CRYM: variants seen among roughly 807,000 people sequenced by gnomAD.
The protein encoded by CRYM is crystallin mu.
In CRYM, 18 loss-of-function variants were observed where a neutral mutation model predicts 32.9. The observed-to-expected ratio is 0.55, with a 90% CI of 0.38 to 0.81. The LOEUF (loss-of-function observed/expected upper bound fraction) is 0.81. CRYM is among the 30% of genes least tolerant of loss of function. The pLI is 0.00. For missense variants in CRYM, 337 were observed against 393.5 expected (o/e 0.86, Z 1.21); for synonymous variants, 153 against 152.4 (o/e 1.00, Z -0.03).
chr16:21,293,313 C>T (rs78097337), intron 1 of CRYM, among the ~76,000 whole-genome samples: 2,517 of 152,274 alleles, frequency 0.017, 85 homozygotes, highest in East Asian at 0.079. Context: ...GAAACACCCA[C>T]TTTGGATGCA....
chr16:21,285,212 T>A (rs775523479), intron 1 of CRYM, among the ~76,000 whole-genome samples: 1 of 152,232 alleles, frequency 6.6e-6, no homozygotes, highest in Non-Finnish European at 1.5e-5. Context: ...TTGGGGCTTA[T>A]GATACTTCGC....
Position 21,289,818 on chromosome 16 carries a change from T to C in CRYM, c.-192-10858A>G, listed in dbSNP as rs544305461. ...AGCGCTGATTGGCCCATTTACAGAG[T>C]GCCGATTGGTCCATTTTACAGAGTA... On this transcript the variant is annotated intron_variant, in intron 1 of 9. Coordinates refer to the CRYM transcript ENST00000219599. Among the ~76,000 whole-genome samples the C allele has an allele frequency of 2.0e-4, 30 of 151,326 alleles. 1 individual carries two copies. The highest frequency in any genetic ancestry group is 8.6e-4 in the Admixed American group (13 of 15,182).
Position 21,278,148 on chromosome 16 carries a change from G to A in CRYM, c.104C>T (p.Ser35Phe), listed in dbSNP as rs1237328517. 2 of 1,551,850 alleles carry A rather than the reference G, an allele frequency of 1.3e-6. No homozygotes were observed. The highest frequency in any genetic ancestry group is 1.7e-6 in the Non-Finnish European group (2 of 1,148,094). ...PPLETALANF[S>F]SGPEGGVMQP... ...CATGACCCCTCCTTCGGGACCGCTG[G>A]AGAAGTTGGCCAGGGCCGTCTCTAG... Residue 35 changes from serine (S) to phenylalanine (F), a missense_variant, in exon 1 of 8, where the codon TCC becomes TTC. Coordinates refer to ENST00000572914, the MANE Select transcript of CRYM (RefSeq NM_001376256.1).
chr16:21,302,805 TA>T (rs1314391224), intron 1 of CRYM, among the ~76,000 whole-genome samples: 1 of 152,212 alleles, frequency 6.6e-6, no homozygotes, highest in Middle Eastern at 3.2e-3. Flanking sequence ...TTCTGGTTTG[TA>T]AAACTAGTAA....
Position 21,267,588 on chromosome 16 carries a change from A to G in CRYM, c.639T>C (p.Phe213=). The stretch of plus-strand genomic sequence containing the variant: ...GAGCCCCTGGCTTCACCCATTCACC[A>G]AACAAAATGGGCTCTGTTGCCAGGG... ...TVTLATEPIL[F]GEWVKPGAHI... Residue 213 remains phenylalanine (F), a synonymous_variant, in exon 5 of 8, where the codon TTT becomes TTC. Transcript: ENST00000572914. 1 of 1,614,058 alleles carries G rather than the reference A, an allele frequency of 6.2e-7. No individual in the cohort carries two copies.
intron 5 of CRYM, among the ~76,000 whole-genome samples, chr16:21,266,753 G>A (rs9925936): frequency 0.35 from 52,853 of 151,928 alleles, 10,982 homozygotes; most frequent in African/African-American, 0.58. Context: ...GTAATCAGTC[G>A]CAGCACTTTG....
rs765085844 is a variant in CRYM at position 21,258,797 on chromosome 16, C to G, written c.929G>C (p.Trp310Ser). ...TVAAKLIYDS[W>S]SSGK ...TCCTTTGTTTTATTTACCAGATGAC[C>G]AGGAATCATAGATGAGTTTGGCTGC... The change falls in exon 8 of 8, where the codon TGG becomes TCG. Residue 310 changes from tryptophan (W) to serine (S), a missense_variant. Coordinates refer to ENST00000572914, the MANE Select transcript of CRYM (RefSeq NM_001376256.1). 1 of 1,614,016 alleles carries G rather than the reference C, an allele frequency of 6.2e-7. No homozygotes were observed.
Position 21,278,084 on chromosome 16 carries a change from C to G in CRYM, c.168G>C (p.Arg56Ser), listed in dbSNP as rs143848148. Residue 56 changes from arginine to serine, a missense_variant and splice_region_variant, in exon 1 of 8, where the codon AGG becomes AGC. Physicochemically the swap from Arg to Ser is moderately radical, Grantham distance 110 (BLOSUM62 -1). Coordinates refer to ENST00000572914, the MANE Select transcript of CRYM (RefSeq NM_001376256.1). ...TGACCCCGACCCTCCTCACTCACCCCCTGTGCTTGGTCACCGGCACCACGG... is the reference window on the plus strand; with the variant it reads ...TGACCCCGACCCTCCTCACTCACCCGCTGTGCTTGGTCACCGGCACCACGG... ...VRTVVPVTKH[R>S]GYLGVMPAYS... 1.6e-4 allele frequency: 244 copies of G among 1,545,012 alleles called. No individual in the cohort carries two copies. Among genetic ancestry groups the G allele is most frequent in the Non-Finnish European group, 1.9e-4 (217 of 1,146,946 alleles).
At position 21,278,224 on chromosome 16, in the gene CRYM, C is replaced by A; in HGVS notation, c.28G>T (p.Ala10Ser). Reference sequence around the variant, plus strand: ...CGGAGGTGTTCCTCCACCTCGGCCGCGCTCAGGAACGCTGGTACCCGGCTC... The same window carrying A: ...CGGAGGTGTTCCTCCACCTCGGCCGAGCTCAGGAACGCTGGTACCCGGCTC... MSRVPAFLSAAEVEEHLRSS... is the reference protein window; with the variant it reads MSRVPAFLSSAEVEEHLRSS... Residue 10 changes from alanine to serine, a missense_variant, in exon 1 of 8, where the codon GCG (alanine) becomes TCG (serine). Transcript: ENST00000572914. 1 of 1,575,272 alleles carries A rather than the reference C, an allele frequency of 6.3e-7. No individual in the cohort carries two copies. Among genetic ancestry groups the A allele is most frequent in the Non-Finnish European group, 8.6e-7 (1 of 1,163,072 alleles).
At position 21,270,004 on chromosome 16, in the gene CRYM, G is replaced by A. The variant is rs183689712; in HGVS notation, c.388-113C>T. The stretch of plus-strand genomic sequence containing the variant: ...CTGCCCTCTCTTCTGCCTCCCTCAA[G>A]AGCTTGCAGGCAATCAAGAGAATTT... On this transcript the variant is annotated intron_variant, in intron 3 of 7. Transcript: ENST00000572914. 5.3e-4 allele frequency: 395 copies of A among 739,556 alleles called. 2 individuals carry two copies. The highest frequency in any genetic ancestry group is 7.8e-4 in the Non-Finnish European group (321 of 410,628). The allele number at this position is 739,556 out of a possible 1,614,324, so 45.8% of individuals were successfully genotyped here.
In CRYM at chr16:21,262,667, C is replaced by T. The variant is rs896449452; in HGVS notation, c.674-509G>A. Among the ~76,000 whole-genome samples, 3 of 152,068 alleles carry T rather than the reference C, an allele frequency of 2.0e-5. No homozygotes were observed. The East Asian group carries it at 5.8e-4, about 29-fold the overall frequency. ...AAAAACTACCTACCATTTTGCCTTT[C>T]TATTCTATATCCCACCTCATTGCTA... On this transcript the variant is annotated intron_variant, in intron 5 of 7. Coordinates refer to ENST00000572914, the MANE Select transcript of CRYM (RefSeq NM_001376256.1).
At chr16:21,275,511 A>G (rs1267962143) in intron 3 of CRYM, 21 bp downstream of exon 3, 6 of 1,610,250 alleles carry the variant, frequency 3.7e-6, no homozygotes, top group Non-Finnish European at 5.1e-6. Flanking sequence ...CCTTAATGGT[A>G]CAGCCAGCCA....
intron 1 of CRYM, chr16:21,300,525 A>G (rs1008857400): frequency 6.6e-6 from 1 of 151,928 alleles, no homozygotes; most frequent in East Asian, 1.9e-4. Flanking sequence ...AAAAAAAAAA[A>G]AAACAGAAAA....
chr16:21,285,212 T>C (rs775523479), intron 1 of CRYM, among the ~76,000 whole-genome samples: 18 of 152,232 alleles, frequency 1.2e-4, no homozygotes, highest in Admixed American at 4.6e-4. Flanking sequence ...TTGGGGCTTA[T>C]GATACTTCGC....
At chr16:21,270,103 C>T (rs2093372095) in intron 3 of CRYM, among the ~76,000 whole-genome samples, 1 of 152,122 alleles carries the variant, frequency 6.6e-6, no homozygotes, top group African/African-American at 2.4e-5. Flanking sequence ...CTAATGTATG[C>T]CAATGCTTTG....
chr16:21,262,396 T>C, intron 5 of CRYM: 1 of 425,858 alleles, frequency 2.3e-6, no homozygotes, highest in Non-Finnish European at 4.4e-6. Flanking sequence ...GGCAGGCAGA[T>C]CACTTGAAGC....
At chr16:21,261,387 A>C in intron 6 of CRYM, 49 bp from the exon 7 acceptor site, 1 of 1,517,790 alleles carries the variant, frequency 6.6e-7, no homozygotes, top group South Asian at 1.1e-5. Context: ...AAGTCTGTGC[A>C]GGGTTGGCTT....
At chr16:21,300,524 A>C (rs1275284807) in intron 1 of CRYM, 1 of 151,840 alleles carries the variant, frequency 6.6e-6, no homozygotes, top group Non-Finnish European at 1.5e-5. Context: ...AAAAAAAAAA[A>C]AAAACAGAAA....
chr16:21,267,471 G>T, intron 5 of CRYM, 83 bp downstream of exon 5: 1 of 1,396,082 alleles, frequency 7.2e-7, no homozygotes. Flanking sequence ...GAATAAACTG[G>T]CTCTGCAAAT....
Sources: allele counts gnomAD v4.1 joint callset (sites outside exome capture counted in the v4.1 genomes callset), GRCh38; gene constraint gnomAD v4.1.1; transcripts MANE v1.5; gene names NCBI Gene and HGNC (gene_info 2026-07-23, HGNC 2026-07-21).